Variants in KCNMB2 observed in about 807,000 individuals in gnomAD.
KCNMB2 encodes the protein calcium-activated potassium channel subunit beta-2.
Under a neutral mutation model 24.5 loss-of-function variants are expected in KCNMB2, and 9 were observed. The ratio of observed to expected loss-of-function variants is 0.37; its 90% CI spans 0.22 to 0.64. The LOEUF is 0.64. Among genes scored for constraint, KCNMB2 ranks in the 30% least tolerant of loss-of-function variants. The pLI is 0.63. For missense variants in KCNMB2, 226 were observed against 284.3 expected, an observed-to-expected ratio of 0.79 and a Z score of 1.47; for synonymous variants, 109 against 104.4, an observed-to-expected ratio of 1.04 and a Z score of -0.27.
At chr3:178,599,690 C>T (rs1294883857) in intron 1 of KCNMB2, among the ~76,000 whole-genome samples, 2 of 152,096 alleles carry the variant, frequency 1.3e-5, no homozygotes, top group Non-Finnish European at 2.9e-5. Flanking sequence ...TTCACATTGT[C>T]GTGCAACTAA....
At chr3:178,579,019 C>A (rs1717099928) in intron 1 of KCNMB2, among the ~76,000 whole-genome samples, 1 of 152,100 alleles carries the variant, frequency 6.6e-6, no homozygotes, top group Non-Finnish European at 1.5e-5. Flanking sequence ...ATGGACCAAG[C>A]AGACCTAATA....
intron 1 of KCNMB2, among the ~76,000 whole-genome samples, chr3:178,697,094 A>C (rs920699063): frequency 3.9e-5 from 6 of 152,150 alleles, no homozygotes; most frequent in Non-Finnish European, 5.9e-5. Flanking sequence ...TTTGGGGTGA[A>C]GAGTTCTGTA....
chr3:178,571,179 T>A (rs977861927), intron 1 of KCNMB2, among the ~76,000 whole-genome samples: 1 of 152,052 alleles, frequency 6.6e-6, no homozygotes, highest in Non-Finnish European at 1.5e-5. Flanking sequence ...TTGCTCTATA[T>A]ACCTATGTGG....
chr3:178,786,133 T>C (rs1713090188), intron 1 of KCNMB2, among the ~76,000 whole-genome samples: 1 of 152,210 alleles, frequency 6.6e-6, no homozygotes, highest in Non-Finnish European at 1.5e-5. Context: ...AAGGGCTGAA[T>C]GACTCAGTTT....
chr3:178,572,221 G>C (rs1716829497), intron 1 of KCNMB2, among the ~76,000 whole-genome samples: 1 of 152,188 alleles, frequency 6.6e-6, no homozygotes, highest in African/African-American at 2.4e-5. Flanking sequence ...TTAGTATAGA[G>C]AGAAGAGACT....
chr3:178,753,017 T>C (rs1723902689), intron 1 of KCNMB2, among the ~76,000 whole-genome samples: 1 of 152,190 alleles, frequency 6.6e-6, no homozygotes, highest in Non-Finnish European at 1.5e-5. Context: ...TTTTTCTACC[T>C]TTCTTTCTGC....
chr3:178,759,248 T>A (rs1711559298), intron 1 of KCNMB2, among the ~76,000 whole-genome samples: 1 of 122,308 alleles, frequency 8.2e-6, no homozygotes, highest in Non-Finnish European at 1.7e-5. Flanking sequence ...GATATATATA[T>A]ATCTCTCCAA....
intron 1 of KCNMB2, among the ~76,000 whole-genome samples, chr3:178,576,205 G>A (rs1716982587): frequency 6.6e-6 from 1 of 151,902 alleles, no homozygotes; most frequent in Admixed American, 6.6e-5. Flanking sequence ...GCAAGCAGAA[G>A]CAGGGTGGGG....
chr3:178,783,222 G>C (rs1441808496), intron 1 of KCNMB2, among the ~76,000 whole-genome samples: 6 of 152,118 alleles, frequency 3.9e-5, no homozygotes, highest in Non-Finnish European at 8.8e-5. Context: ...AAGTCAGGTA[G>C]CATGATGCCT....
chr3:178,683,378 G>T (rs2108321819), intron 1 of KCNMB2, among the ~76,000 whole-genome samples: 1 of 151,784 alleles, frequency 6.6e-6, no homozygotes, highest in Admixed American at 6.6e-5. Flanking sequence ...TGGGCACTAT[G>T]CTCAGTACCT....
Position 178,757,499 on chromosome 3 carries a change from AG to A in KCNMB2, c.-67-49842del, listed in dbSNP as rs531574528. ...ATATATATATGTATATATATCCAAG[AG>A]GATATATATATATATGTATATATAT... is the stretch of plus-strand genomic sequence containing the variant. On this transcript the variant is annotated intron_variant, in intron 1 of 4. Transcript: ENST00000452583. Among the ~76,000 whole-genome samples, 9 of 58,122 alleles carry A rather than the reference AG, an allele frequency of 1.5e-4. 2 individuals carry two copies. Among genetic ancestry groups the A allele is most frequent in the Non-Finnish European group, 2.5e-4 (8 of 32,504 alleles). 38.1% of individuals were successfully genotyped at this position (58,122 alleles called of 152,430 possible). A position where few individuals can be genotyped will look rare whatever the true frequency, so the allele number is the denominator to read the frequency against.
At chr3:178,687,078 A>T (rs994740125) in intron 1 of KCNMB2, among the ~76,000 whole-genome samples, 2 of 152,168 alleles carry the variant, frequency 1.3e-5, no homozygotes, top group African/African-American at 4.8e-5. Context: ...AAAGTGGCCC[A>T]GTAGGGGTGG....
At chr3:178,830,619 C>A (rs1345005025) in intron 4 of KCNMB2, among the ~76,000 whole-genome samples, 1 of 152,122 alleles carries the variant, frequency 6.6e-6, no homozygotes, top group African/African-American at 2.4e-5. Context: ...TCTTTGCCAA[C>A]ATTTGGTAAT....
intron 2 of KCNMB2, among the ~76,000 whole-genome samples, chr3:178,814,156 GC>G (rs1376982018): frequency 1.3e-5 from 2 of 151,904 alleles, no homozygotes; most frequent in African/African-American, 4.8e-5. Context: ...CTCCCTCCCT[GC>G]CCCCTTTTGG....
At chr3:178,638,183 T>C (rs1719597747) in intron 1 of KCNMB2, among the ~76,000 whole-genome samples, 1 of 152,192 alleles carries the variant, frequency 6.6e-6, no homozygotes, top group African/African-American at 2.4e-5. Flanking sequence ...CCAGAGTTAT[T>C]TTTCAAAGGA....
intron 1 of KCNMB2, among the ~76,000 whole-genome samples, chr3:178,644,233 A>G (rs146871819): frequency 6.6e-6 from 1 of 152,348 alleles, no homozygotes; most frequent in East Asian, 1.9e-4. Flanking sequence ...TCTAGATAGA[A>G]AGGAAGCAAG....
intron 1 of KCNMB2, among the ~76,000 whole-genome samples, chr3:178,695,823 C>T (rs1332351306): frequency 6.6e-6 from 1 of 152,156 alleles, no homozygotes; most frequent in East Asian, 1.9e-4. Flanking sequence ...CCAAACTTTC[C>T]CACATTTCCC....
chr3:178,753,252 T>C (rs1723910151), intron 1 of KCNMB2, among the ~76,000 whole-genome samples: 2 of 152,190 alleles, frequency 1.3e-5, no homozygotes, highest in Non-Finnish European at 2.9e-5. Context: ...CTAACACTCA[T>C]TCATTCAACA....
chr3:178,812,789 C>A (rs1017813730), intron 2 of KCNMB2, among the ~76,000 whole-genome samples: 3 of 152,024 alleles, frequency 2.0e-5, no homozygotes, highest in Non-Finnish European at 4.4e-5. Context: ...CTATTCTGTT[C>A]TAGCGGCCAG....
Sources: gnomAD v4.1 joint callset for allele counts (sites outside exome capture counted in the v4.1 genomes callset) on GRCh38, gnomAD v4.1.1 for gene constraint, MANE v1.5 for transcripts, NCBI Gene and HGNC (gene_info 2026-07-23, HGNC 2026-07-21) for gene names.